Variants in ZNF804B observed in about 807,000 individuals in gnomAD.
The protein encoded by ZNF804B is zinc finger 804B.
A neutral mutation model predicts 101.4 loss-of-function variants in ZNF804B; 80 were observed. The ratio of observed to expected loss-of-function variants is 0.79; its 90% CI spans 0.66 to 0.95. The LOEUF is 0.95. ZNF804B is among the 40% of genes least tolerant of loss of function. The pLI, the probability that ZNF804B is intolerant of heterozygous loss-of-function variation, is 0.00. For synonymous variants in ZNF804B, 622 were observed against 558.8 expected, an observed-to-expected ratio of 1.11 and a Z score of -1.59; for missense variants, 1,673 against 1,561.9, an observed-to-expected ratio of 1.07 and a Z score of -1.20.
Position 89,274,907 on chromosome 7 carries a change from A to G in ZNF804B, c.250-52437A>G, listed in dbSNP as rs147256648. Among the ~76,000 whole-genome samples, 24 of 151,964 alleles carry G rather than the reference A, an allele frequency of 1.6e-4. 1 individual carries two copies. Among genetic ancestry groups the G allele is most frequent in the Middle Eastern group, 3.4e-3 (1 of 294 alleles). On this transcript the variant is annotated intron_variant, in intron 2 of 3. Coordinates refer to ENST00000333190, the MANE Select transcript of ZNF804B (RefSeq NM_181646.5). ...AATATTGGAAGTGTTCTTGGGCTCA[A>G]GCCATGGTGTCCTCTCACTTCTATC...
At chr7:89,233,216 G>A (rs1191245728) in intron 2 of ZNF804B, among the ~76,000 whole-genome samples, 2 of 152,052 alleles carry the variant, frequency 1.3e-5, no homozygotes, top group East Asian at 1.9e-4. Flanking sequence ...GTGAGCCACC[G>A]TGCCTGGCCA....
chr7:89,094,786 A>G (rs1278347184), intron 1 of ZNF804B, among the ~76,000 whole-genome samples: 2 of 152,164 alleles, frequency 1.3e-5, no homozygotes, highest in Non-Finnish European at 2.9e-5. Flanking sequence ...TTAAAAAGTC[A>G]TTACATATGG....
At chr7:89,232,964 C>T (rs774056937) in intron 2 of ZNF804B, among the ~76,000 whole-genome samples, 1 of 152,052 alleles carries the variant, frequency 6.6e-6, no homozygotes, top group Non-Finnish European at 1.5e-5. Flanking sequence ...CTCTGTCGCC[C>T]AGGCTGGAGT....
intron 2 of ZNF804B, among the ~76,000 whole-genome samples, chr7:89,243,079 T>C (rs1789393357): frequency 6.6e-6 from 1 of 151,826 alleles, no homozygotes; most frequent in Non-Finnish European, 1.5e-5. Flanking sequence ...TACAATCTGA[T>C]AGTATTTTCC....
intron 1 of ZNF804B, among the ~76,000 whole-genome samples, chr7:89,154,923 G>A (rs962499124): frequency 6.6e-6 from 1 of 151,740 alleles, no homozygotes; most frequent in South Asian, 2.1e-4. Flanking sequence ...GTAACACAAA[G>A]GATAAATGCT....
chr7:89,283,410 T>C (rs1401395887), intron 2 of ZNF804B, among the ~76,000 whole-genome samples: 1 of 152,204 alleles, frequency 6.6e-6, no homozygotes, highest in African/African-American at 2.4e-5. Context: ...TAAATGTGTA[T>C]GTGTATTAGA....
chr7:89,118,415 T>C (rs1201972302), intron 1 of ZNF804B, among the ~76,000 whole-genome samples: 1 of 152,128 alleles, frequency 6.6e-6, no homozygotes, highest in East Asian at 1.9e-4. Flanking sequence ...CATAAGAAAT[T>C]AAATTTTGAA....
intron 1 of ZNF804B, among the ~76,000 whole-genome samples, chr7:89,135,168 C>A (rs142970272): frequency 3.4e-4 from 51 of 152,200 alleles, no homozygotes; most frequent in Non-Finnish European, 7.1e-4. Flanking sequence ...GACTGACTTA[C>A]AATAGAAATC....
intron 1 of ZNF804B, among the ~76,000 whole-genome samples, chr7:89,085,387 T>A (rs1019448373): frequency 6.6e-6 from 1 of 152,004 alleles, no homozygotes; most frequent in African/African-American, 2.4e-5. Context: ...GCAGAACTCT[T>A]TTTCCTCCAT....
rs776145902 is a variant in ZNF804B, at chr7:89,052,027, GT to G, written c.109-166121del. On this transcript the variant is annotated intron_variant, in intron 1 of 3. Coordinates refer to ENST00000333190, the MANE Select transcript of ZNF804B (RefSeq NM_181646.5). ...TATCTTTCATTTTACCAACTTAAAGGTTTTTTTGTTGTTAAATATGTCTAAT... is the reference window on the plus strand; with the variant it reads ...TATCTTTCATTTTACCAACTTAAAGGTTTTTTGTTGTTAAATATGTCTAAT... Among the ~76,000 whole-genome samples, 4 of 152,122 alleles carry G rather than the reference GT, an allele frequency of 2.6e-5. No homozygotes were observed. In the East Asian group the frequency reaches 7.7e-4, roughly 29 times the overall value.
In ZNF804B at chr7:89,321,831, ATC is replaced by A. The variant is rs777642090; in HGVS notation, c.250-5511_250-5510del. Among the ~76,000 whole-genome samples, 5 of 152,264 alleles carry A rather than the reference ATC, an allele frequency of 3.3e-5. No homozygotes were observed. The South Asian group carries it at 6.2e-4, about 19-fold the overall frequency. ...AAAATAAATACATTTTAAAGACACA[ATC>A]TGTTTTAAATTAAATGAATAAAAAA... On this transcript the variant is annotated intron_variant, in intron 2 of 3. Coordinates refer to ENST00000333190, the MANE Select transcript of ZNF804B (RefSeq NM_181646.5).
At chr7:88,877,045 ATATATTTTTTTT>A (rs1791961390) in intron 1 of ZNF804B, among the ~76,000 whole-genome samples, 2 of 36,496 alleles carry the variant, frequency 5.5e-5, no homozygotes, top group African/African-American at 3.1e-4. Flanking sequence ...ATATATATAT[ATATATTTTTTTT>A]TTTTTTTTTT....
intron 2 of ZNF804B, among the ~76,000 whole-genome samples, chr7:89,325,485 A>G (rs1010414552): frequency 3.9e-5 from 6 of 152,176 alleles, no homozygotes; most frequent in Admixed American, 3.9e-4. Flanking sequence ...TTTACACTTC[A>G]TAGTAAGAAT....
At chr7:88,959,325 G>A (rs1793358442) in intron 1 of ZNF804B, among the ~76,000 whole-genome samples, 1 of 151,352 alleles carries the variant, frequency 6.6e-6, no homozygotes, top group African/African-American at 2.4e-5. Context: ...TTAAGTATTA[G>A]TTAAATAAAT....
intron 1 of ZNF804B, among the ~76,000 whole-genome samples, chr7:89,023,968 C>A (rs1170785671): frequency 1.3e-5 from 2 of 152,136 alleles, no homozygotes; most frequent in Non-Finnish European, 2.9e-5. Context: ...TTGTGGGCAG[C>A]ACCCTGCCAA....
chr7:89,175,962 A>G (rs1472745694), intron 1 of ZNF804B, among the ~76,000 whole-genome samples: 2 of 151,970 alleles, frequency 1.3e-5, no homozygotes, highest in East Asian at 3.9e-4. Flanking sequence ...TTTCTGGTAG[A>G]TTACTTAGAT....
chr7:88,784,836 A>G (rs563253400), intron 1 of ZNF804B, among the ~76,000 whole-genome samples: 3 of 152,162 alleles, frequency 2.0e-5, no homozygotes, highest in South Asian at 4.2e-4. Context: ...TCTCCTCTTT[A>G]GGGAATGTTC....
At chr7:89,043,469 A>G (rs80113489) in intron 1 of ZNF804B, among the ~76,000 whole-genome samples, 1 of 152,190 alleles carries the variant, frequency 6.6e-6, no homozygotes, top group Non-Finnish European at 1.5e-5. Flanking sequence ...GTTATAACAA[A>G]ATGGAATATT....
intron 1 of ZNF804B, among the ~76,000 whole-genome samples, chr7:89,183,366 A>T (rs1426952072): frequency 6.6e-6 from 1 of 152,136 alleles, no homozygotes; most frequent in Non-Finnish European, 1.5e-5. Flanking sequence ...TATGGTAATT[A>T]TATTTAAATT....
Sources: allele counts gnomAD v4.1 joint callset (sites outside exome capture counted in the v4.1 genomes callset), GRCh38; gene constraint gnomAD v4.1.1; transcripts MANE v1.5; gene names NCBI Gene and HGNC (gene_info 2026-07-23, HGNC 2026-07-21).